PFAS: variants seen among roughly 807,000 people sequenced by gnomAD.
PFAS encodes FGAM synthase.
Under a neutral mutation model 140.6 loss-of-function variants are expected in PFAS, and 97 were observed. That is an observed-to-expected ratio of 0.69 (90% CI 0.59 to 0.82). The LOEUF (loss-of-function observed/expected upper bound fraction) is 0.82, where lower values mean the gene tolerates loss of function less well. PFAS is among the 40% of genes least tolerant of loss of function. PFAS has a pLI of 0.00. For synonymous variants in PFAS, 679 were observed against 718.8 expected (o/e 0.94, Z 0.88); for missense variants, 1,656 against 1,780.2 (o/e 0.93, Z 1.26).
At chr17:8,265,693 C>T in intron 20 of PFAS, 54 bp downstream of exon 20, 1 of 1,519,608 alleles carries the variant, frequency 6.6e-7, no homozygotes, top group Non-Finnish European at 9.1e-7. Context: ...CTTTGTTTGG[C>T]TCCTGCTTTG....
rs756644477 is a variant in PFAS at position 8,256,815 on chromosome 17, T to C, written c.947-20T>C. The stretch of plus-strand genomic sequence containing the variant: ...TTTGTCTCTGAGGCACCCAGACCTC[T>C]CCCCACTCTCTCTTTGCAGGAGTAT... On this transcript the variant is annotated intron_variant, in intron 8 of 27. Transcript: ENST00000314666. 2.3e-4 allele frequency: 365 copies of C among 1,583,244 alleles called. No homozygotes were observed. The highest frequency in any genetic ancestry group is 3.1e-4 in the Non-Finnish European group (361 of 1,165,036).
At chr17:8,250,894 G>T (rs1337476011) in intron 1 of PFAS, among the ~76,000 whole-genome samples, 1 of 152,074 alleles carries the variant, frequency 6.6e-6, no homozygotes, top group African/African-American at 2.4e-5. Context: ...ATTGAAGAGT[G>T]CAGGGTGAGG....
intron 8 of PFAS, 77 bp from the exon 9 acceptor site, chr17:8,256,758 T>G (rs549285368): frequency 1.3e-6 from 2 of 1,553,116 alleles, no homozygotes; most frequent in African/African-American, 1.4e-5. Context: ...TTGGTTGTCC[T>G]TATTTTCAGT....
rs1989938165 is a variant in PFAS, at chr17:8,269,043, C to T, written c.3796C>T (p.Pro1266Ser). The change falls in exon 28 of 28, where the codon CCC becomes TCC. Residue 1266 changes from proline (P) to serine (S), a missense_variant. Pro to Ser is a moderately conservative substitution (Grantham distance 74). Coordinates refer to ENST00000314666, the MANE Select transcript of PFAS (RefSeq NM_012393.3). ...PLHWADDDGN[P>S]TEQYPLNPNG... ...GCACTGGGCTGATGATGACGGGAAC[C>T]CCACAGAGCAGTACCCTCTGAATCC... is the stretch of plus-strand genomic sequence containing the variant. 1 of 1,614,138 alleles carries T rather than the reference C, an allele frequency of 6.2e-7. No individual in the cohort carries two copies. Among genetic ancestry groups the T allele is most frequent in the East Asian group, 2.2e-5 (1 of 44,876 alleles).
At chr17:8,247,775 A>G (rs1988879727), upstream of PFAS, 2 of 569,018 alleles carry the variant, frequency 3.5e-6, no homozygotes, top group East Asian at 3.1e-5. Context: ...ATTAAACCCT[A>G]GAGAGTGAAC....
Position 8,267,385 on chromosome 17 carries a change from C to T in PFAS, c.3189C>T (p.Pro1063=). 1.9e-6 allele frequency: 3 copies of T among 1,614,058 alleles called. No homozygotes were observed. Among genetic ancestry groups the T allele is most frequent in the Admixed American group, 1.7e-5 (1 of 60,024 alleles). ...SVPREPGGPS[P]RVAILREEGS... is the part of the protein sequence containing the mutation. Reference sequence around the variant, plus strand: ...TTCTCCCCCAAGGTGGTCCCAGCCCCCGAGTCGCCATCTTGCGAGAGGAGG... The same window carrying T: ...TTCTCCCCCAAGGTGGTCCCAGCCCTCGAGTCGCCATCTTGCGAGAGGAGG... The change falls in exon 25 of 28, where the codon CCC becomes CCT. Residue 1063 remains proline (P), a synonymous_variant. Coordinates refer to ENST00000314666, the MANE Select transcript of PFAS (RefSeq NM_012393.3). This position sits in a 1 kb window ranked among gnomAD's most constrained non-coding sequence, Gnocchi z 4.9.
Position 8,256,506 on chromosome 17 carries a change from T to C in PFAS, c.822-18T>C, listed in dbSNP as rs1308229279. The C allele has an allele frequency of 9.9e-6, 16 of 1,614,000 alleles. No homozygotes were observed. The highest frequency in any genetic ancestry group is 1.3e-5 in the Non-Finnish European group (15 of 1,179,970). The stretch of plus-strand genomic sequence containing the variant: ...GGTCCCAGAAAGGAAGCAAGGTCCA[T>C]GACGGGTATGTCCACAGTGCAATCC... On this transcript the variant is annotated intron_variant, in intron 7 of 27. Transcript: ENST00000314666.
chr17:8,247,887 C>G (rs1988897954), upstream of PFAS: 1 of 1,032,224 alleles, frequency 9.7e-7, no homozygotes, highest in Non-Finnish European at 1.5e-6. Context: ...AACCCCCTCA[C>G]CCATGGGCCG....
In PFAS at chr17:8,264,348, T is replaced by C; in HGVS notation, c.1917+11T>C. 6.2e-7 allele frequency: 1 copy of C among 1,612,488 alleles called. No individual in the cohort carries two copies. The highest frequency in any genetic ancestry group is 8.5e-7 in the Non-Finnish European group (1 of 1,179,468). ...AAGATGCCTCGGAAGGTATGTGGGG[T>C]TGAGGGGATGGGTTTTTCCTGTGGT... is the stretch of plus-strand genomic sequence containing the variant. On this transcript the variant is annotated intron_variant, in intron 16 of 27. Transcript: ENST00000314666.
intron 17 of PFAS, 48 bp downstream of exon 17, chr17:8,264,649 G>A (rs1254204868): frequency 6.5e-7 from 1 of 1,537,608 alleles, no homozygotes; most frequent in Non-Finnish European, 8.8e-7. Flanking sequence ...CCTCCGCTCA[G>A]CCTCTTCTGC....
At chr17:8,258,839 TAGCC>T (rs1989477039) in intron 11 of PFAS, among the ~76,000 whole-genome samples, 1 of 151,806 alleles carries the variant, frequency 6.6e-6, no homozygotes, top group African/African-American at 2.4e-5. Flanking sequence ...ATAAAAAAAT[TAGCC>T]AGGTGTGGTG....
chr17:8,252,503 G>A (rs1354420443), intron 1 of PFAS, among the ~76,000 whole-genome samples: 5 of 149,754 alleles, frequency 3.3e-5, no homozygotes, highest in East Asian at 2.0e-4. Flanking sequence ...TCCCGGGTTC[G>A]AGTGATTCTC....
chr17:8,256,713 C>A, intron 8 of PFAS, 65 bp downstream of exon 8: 1 of 1,580,450 alleles, frequency 6.3e-7, no homozygotes, highest in East Asian at 2.2e-5. Flanking sequence ...GGTCCCAGGC[C>A]CCTGGAGTGG....
chr17:8,252,585 T>A (rs1034165086), intron 1 of PFAS, among the ~76,000 whole-genome samples: 1 of 151,726 alleles, frequency 6.6e-6, no homozygotes, highest in Non-Finnish European at 1.5e-5. Context: ...GTATTTTTTT[T>A]AGTAGAGATG....
rs1030278588 is a variant in PFAS, at chr17:8,269,233, C to G, written c.3986C>G (p.Ala1329Gly). Residue 1329 changes from alanine to glycine, a missense_variant, in exon 28 of 28, where the codon GCC (alanine) becomes GGC (glycine). Around this residue, in one of 2 missense-constraint regions of PFAS, gnomAD observed 883 missense variants for 1,023.0 expected, o/e 0.86. Coordinates refer to ENST00000314666, the MANE Select transcript of PFAS (RefSeq NM_012393.3). ...CCCTGGCTCCAGCTCTTTATCAATG[C>G]CCGAAACTGGACCCTGGAAGGGAGC... ...TSPWLQLFIN[A>G]RNWTLEGSC 2.5e-6 allele frequency: 4 copies of G among 1,611,304 alleles called. No homozygotes were observed. Among genetic ancestry groups the G allele is most frequent in the Admixed American group, 3.3e-5 (2 of 59,902 alleles).
In PFAS at chr17:8,262,909, C is replaced by G; in HGVS notation, c.1337-11C>G. On this transcript the variant is annotated splice_polypyrimidine_tract_variant and intron_variant, in intron 11 of 27. Transcript: ENST00000314666. The stretch of plus-strand genomic sequence containing the variant: ...TCCCCAGTGTTCTGATTCTGCCTTC[C>G]CTTCTTACAGGCATGGAAGTTGTAA... The G allele has an allele frequency of 6.2e-7, 1 of 1,611,976 alleles. No individual in the cohort carries two copies. The highest frequency in any genetic ancestry group is 8.5e-7 in the Non-Finnish European group (1 of 1,178,004).
chr17:8,256,824 T>C lies in PFAS; in HGVS notation c.947-11T>C, dbSNP rs753689036. The C allele has an allele frequency of 1.9e-6, 3 of 1,588,284 alleles. No homozygotes were observed. Among genetic ancestry groups the C allele is most frequent in the South Asian group, 1.2e-5 (1 of 86,206 alleles). ...GAGGCACCCAGACCTCTCCCCACTC[T>C]CTCTTTGCAGGAGTATGCCCCTTTA... On this transcript the variant is annotated splice_polypyrimidine_tract_variant and intron_variant, in intron 8 of 27. Coordinates refer to ENST00000314666, the MANE Select transcript of PFAS (RefSeq NM_012393.3).
chr17:8,266,145 C>CA lies in PFAS; in HGVS notation c.2702-88dup. 8.3e-6 allele frequency: 13 copies of CA among 1,569,750 alleles called. No homozygotes were observed. In the South Asian group the frequency reaches 1.5e-4, roughly 18 times the overall value. On this transcript the variant is annotated intron_variant, in intron 21 of 27. Transcript: ENST00000314666. The surrounding 1 kb of genome is among the most constrained non-coding windows in gnomAD (Gnocchi z 5.0). ...CCCCAGATCCCCTGACATTCTGACA[C>CA]ACACTCTTGATGGACTGACTCCGGA...
chr17:8,264,971 C>T lies in PFAS; in HGVS notation c.2126C>T (p.Ala709Val), dbSNP rs1186281894. Residue 709 changes from alanine (A) to valine (V), a missense_variant, in exon 18 of 28, where the codon GCG becomes GTG. Ala to Val is a moderately conservative substitution (Grantham distance 64, BLOSUM62 0). Coordinates refer to ENST00000314666, the MANE Select transcript of PFAS (RefSeq NM_012393.3). ...GPLQTPLADVAVVALSHEELI... is the reference protein window; with the variant it reads ...GPLQTPLADVVVVALSHEELI... ...CTGCAAACTCCTCTGGCAGATGTAG[C>T]GGTTGTGGCACTGAGCCATGAGGAG... 9.3e-6 allele frequency: 15 copies of T among 1,612,452 alleles called. No individual in the cohort carries two copies. Among genetic ancestry groups the T allele is most frequent in the South Asian group, 6.6e-5 (6 of 90,952 alleles).
Sources: allele counts gnomAD v4.1 joint callset (sites outside exome capture counted in the v4.1 genomes callset), GRCh38; gene constraint gnomAD v4.1.1; regional missense constraint gnomAD v4.1.1; non-coding constraint Gnocchi (gnomAD v3.1); transcripts MANE v1.5; gene names NCBI Gene and HGNC (gene_info 2026-07-23, HGNC 2026-07-21).